ARHGEF10: variants seen among roughly 807,000 people sequenced by gnomAD.
The protein encoded by ARHGEF10 is Rho guanine nucleotide exchange factor 10, also known as Rho guanine nucleotide exchange factor (GEF) 10.
A neutral mutation model predicts 147.4 loss-of-function variants in ARHGEF10; 140 were observed. That is an observed-to-expected ratio of 0.95 (90% CI 0.83 to 1.09). The LOEUF is 1.09. Ranked by LOEUF, ARHGEF10 falls within the 50% of genes least tolerant of loss-of-function variation. The pLI, the probability that ARHGEF10 is intolerant of heterozygous loss-of-function variation, is 0.00. For missense variants in ARHGEF10, 2,222 were observed against 1,752.7 expected (o/e 1.27, Z -4.78); for synonymous variants, 902 against 695.8 (o/e 1.30, Z -4.67).
rs548984736 is a variant in ARHGEF10, at chr8:1,860,194, C to T, written c.481+10C>T. The T allele has an allele frequency of 4.3e-6, 7 of 1,610,962 alleles. No homozygotes were observed. In the South Asian group the frequency reaches 7.7e-5, roughly 18 times the overall value. The stretch of plus-strand genomic sequence containing the variant: ...TCCCTGGACGAAGAAGGTACTGCTA[C>T]CCTCCTCTCCACGCCCCCGAAGTGG... On this transcript the variant is annotated intron_variant, in intron 4 of 28. Coordinates refer to ENST00000349830, the MANE Select transcript of ARHGEF10 (RefSeq NM_014629.4).
chr8:1,824,327 G>T (rs931482736), intron 1 of ARHGEF10, among the ~76,000 whole-genome samples: 1 of 151,728 alleles, frequency 6.6e-6, no homozygotes, highest in African/African-American at 2.4e-5. Context: ...TCAGGATAAC[G>T]GCGCGGGCCT....
At chr8:1,844,114 G>T (rs13255760) in intron 2 of ARHGEF10, among the ~76,000 whole-genome samples, 61,012 of 151,852 alleles carry the variant, frequency 0.4, 13,421 homozygotes, top group Non-Finnish European at 0.5. Context: ...TTGCACATGG[G>T]CCTGGTGTCC....
intron 8 of ARHGEF10, among the ~76,000 whole-genome samples, chr8:1,878,102 C>T (rs1563217760): frequency 6.6e-6 from 1 of 152,274 alleles, no homozygotes; most frequent in South Asian, 2.1e-4. Flanking sequence ...GTTTCATTCA[C>T]AAGTTCTTCC....
Position 1,882,619 on chromosome 8 carries a change from T to G in ARHGEF10, c.961-16T>G. The G allele has an allele frequency of 6.5e-7, 1 of 1,549,774 alleles. No individual in the cohort carries two copies. Among genetic ancestry groups the G allele is most frequent in the Non-Finnish European group, 8.7e-7 (1 of 1,145,630 alleles). Reference sequence around the variant, plus strand: ...TCTGCCGCCGTCCCGTTCTCACATCTCCCTCTCCGTCGCAGATGCAGAAGC... The same window carrying G: ...TCTGCCGCCGTCCCGTTCTCACATCGCCCTCTCCGTCGCAGATGCAGAAGC... On this transcript the variant is annotated splice_polypyrimidine_tract_variant and intron_variant, in intron 9 of 28. Transcript: ENST00000349830.
At chr8:1,926,351 G>A in intron 22 of ARHGEF10, 26 bp from the exon 23 acceptor site, 7 of 1,587,288 alleles carry the variant, frequency 4.4e-6, no homozygotes, top group Non-Finnish European at 6.1e-6. Flanking sequence ...TTTTATATGT[G>A]AGCGTTTGAT....
At chr8:1,905,243 A>G (rs1810789351) in intron 16 of ARHGEF10, among the ~76,000 whole-genome samples, 1 of 142,248 alleles carries the variant, frequency 7.0e-6, no homozygotes, top group Non-Finnish European at 1.5e-5. Flanking sequence ...GTGAAGTAAA[A>G]TATGGCCTAC....
intron 18 of ARHGEF10, among the ~76,000 whole-genome samples, chr8:1,914,240 G>A (rs1811587723): frequency 1.3e-5 from 2 of 152,228 alleles, no homozygotes; most frequent in African/African-American, 4.8e-5. Flanking sequence ...TTTAAAACGT[G>A]AAACGGTTCC....
At chr8:1,954,906 G>T (rs900454346) in intron 28 of ARHGEF10, among the ~76,000 whole-genome samples, 1 of 152,242 alleles carries the variant, frequency 6.6e-6, no homozygotes, top group African/African-American at 2.4e-5. Flanking sequence ...CCTGCCTGCA[G>T]CCTGCCTCTG....
At chr8:1,835,291 C>A (rs1418401329) in intron 1 of ARHGEF10, among the ~76,000 whole-genome samples, 1 of 152,238 alleles carries the variant, frequency 6.6e-6, no homozygotes, top group African/African-American at 2.4e-5. Flanking sequence ...GGCACAGAGC[C>A]TGTCCCTGCC....
At chr8:1,935,979 T>C (rs1813567809) in intron 26 of ARHGEF10, among the ~76,000 whole-genome samples, 1 of 152,180 alleles carries the variant, frequency 6.6e-6, no homozygotes, top group Non-Finnish European at 1.5e-5. Flanking sequence ...TTAGTGGCCG[T>C]GTGACGTGCC....
intron 9 of ARHGEF10, among the ~76,000 whole-genome samples, chr8:1,881,190 G>A (rs1176040432): frequency 6.6e-6 from 1 of 152,164 alleles, no homozygotes; most frequent in African/African-American, 2.4e-5. Context: ...CAGCACGCTC[G>A]CTTCCCCTGG....
intron 26 of ARHGEF10, among the ~76,000 whole-genome samples, chr8:1,939,173 TCA>T (rs777377699): frequency 6.4e-4 from 97 of 152,342 alleles, no homozygotes; most frequent in Non-Finnish European, 1.0e-3. Flanking sequence ...ACCTTCAGAA[TCA>T]CACAATTTCA....
chr8:1,834,936 G>A (rs1396886734), intron 1 of ARHGEF10, among the ~76,000 whole-genome samples: 1 of 152,208 alleles, frequency 6.6e-6, no homozygotes, highest in Non-Finnish European at 1.5e-5. Context: ...AGCTCCCGGG[G>A]TCTGTCCGCG....
In ARHGEF10 at chr8:1,907,204, A is replaced by T. The variant is rs374742514; in HGVS notation, c.1967+1488A>T. Among the ~76,000 whole-genome samples, 96 of 152,330 alleles carry T rather than the reference A, an allele frequency of 6.3e-4. 2 individuals carry two copies. In the South Asian group the frequency reaches 0.018, roughly 29 times the overall value. ...TCCCTGGTGTTATGAGGTGCTTCCC[A>T]TAGTGTGGAGACTAAAGGTGTTTAT... is the stretch of plus-strand genomic sequence containing the variant. On this transcript the variant is annotated intron_variant, in intron 17 of 28. Transcript: ENST00000349830.
At chr8:1,848,720 C>G (rs1339206665) in intron 2 of ARHGEF10, among the ~76,000 whole-genome samples, 4 of 152,168 alleles carry the variant, frequency 2.6e-5, no homozygotes, top group Admixed American at 6.5e-5. Flanking sequence ...TACTTCACCT[C>G]TGGGAGATTA....
At chr8:1,919,404 G>C (rs943737417) in intron 18 of ARHGEF10, among the ~76,000 whole-genome samples, 1 of 146,992 alleles carries the variant, frequency 6.8e-6, no homozygotes, top group African/African-American at 2.6e-5. Flanking sequence ...TTCCATGGAT[G>C]ATGGAGCTGT....
chr8:1,943,506 C>A (rs1386647839), intron 26 of ARHGEF10: 1 of 152,268 alleles, frequency 6.6e-6, no homozygotes, highest in African/African-American at 2.4e-5. Context: ...GGAATCCGAA[C>A]CAAGACTTCC....
At chr8:1,938,263 G>C (rs4375045) in intron 26 of ARHGEF10, among the ~76,000 whole-genome samples, 1 of 152,192 alleles carries the variant, frequency 6.6e-6, no homozygotes, top group African/African-American at 2.4e-5. Context: ...GGGATCTGAC[G>C]TCTGACGTTT....
intron 3 of ARHGEF10, among the ~76,000 whole-genome samples, chr8:1,859,118 G>T (rs1380054061): frequency 2.7e-5 from 3 of 112,474 alleles, no homozygotes; most frequent in Non-Finnish European, 3.8e-5. Context: ...CTTGCACGGT[G>T]TTTCTTTGTG....
Sources: allele counts gnomAD v4.1 joint callset (sites outside exome capture counted in the v4.1 genomes callset), GRCh38; gene constraint gnomAD v4.1.1; transcripts MANE v1.5; gene names NCBI Gene and HGNC (gene_info 2026-07-23, HGNC 2026-07-21).